JAK2: variants seen among roughly 807,000 people sequenced by gnomAD.
The protein encoded by JAK2 is tyrosine-protein kinase JAK2.
In JAK2, 86 loss-of-function variants were observed where a neutral mutation model predicts 139.3. The observed-to-expected ratio is 0.62, with a 90% CI of 0.52 to 0.74. The LOEUF (loss-of-function observed/expected upper bound fraction) is 0.74, where lower values mean the gene tolerates loss of function less well. JAK2 is among the 30% of genes least tolerant of loss of function. The pLI, the probability that JAK2 is intolerant of heterozygous loss-of-function variation, is 0.00. For missense variants in JAK2, 1,421 were observed against 1,360.3 expected, an observed-to-expected ratio of 1.04 and a Z score of -0.70; for synonymous variants, 490 against 437.7, an observed-to-expected ratio of 1.12 and a Z score of -1.49.
At chr9:5,074,600 ATCAATGAGCCATTCC>A (rs1342981517) in intron 14 of JAK2, among the ~76,000 whole-genome samples, 1 of 152,208 alleles carries the variant, frequency 6.6e-6, no homozygotes, top group African/African-American at 2.4e-5. Flanking sequence ...TGACTGCTCC[ATCAATGAGCCATTCC>A]TCTGTCTCTC....
intron 4 of JAK2, among the ~76,000 whole-genome samples, chr9:5,031,652 C>A (rs1395695990): frequency 2.6e-5 from 4 of 152,092 alleles, no homozygotes; most frequent in African/African-American, 9.7e-5. Flanking sequence ...GAATTCAAGT[C>A]CTTGGGAAAA....
chr9:5,100,808 T>C (rs1447036434), intron 22 of JAK2: 1 of 152,376 alleles, frequency 6.6e-6, no homozygotes, highest in East Asian at 1.9e-4. Flanking sequence ...TCTGATGGGA[T>C]CTATGGCTCA....
intron 4 of JAK2, among the ~76,000 whole-genome samples, chr9:5,036,301 C>G (rs1174321674): frequency 6.6e-6 from 1 of 152,196 alleles, no homozygotes; most frequent in African/African-American, 2.4e-5. Flanking sequence ...GCCATACTGC[C>G]CAAAGTCCTT....
At chr9:5,120,169 G>C (rs1391266362) in intron 22 of JAK2, among the ~76,000 whole-genome samples, 2 of 152,330 alleles carry the variant, frequency 1.3e-5, no homozygotes, top group East Asian at 3.9e-4. Context: ...CCTTCAGAGA[G>C]GAGGAACACC....
At chr9:5,067,857 T>G (rs1818673999) in intron 10 of JAK2, among the ~76,000 whole-genome samples, 1 of 151,924 alleles carries the variant, frequency 6.6e-6, no homozygotes, top group African/African-American at 2.4e-5. Context: ...AGGTTTACAA[T>G]TATTAAGAAA....
intron 14 of JAK2, among the ~76,000 whole-genome samples, chr9:5,073,997 C>A (rs143408376): frequency 2.0e-5 from 3 of 152,168 alleles, no homozygotes; most frequent in African/African-American, 7.2e-5. Flanking sequence ...GGTTACAATG[C>A]CCAAACAATA....
At chr9:5,041,792 C>G (rs1586688113) in intron 4 of JAK2, 1 of 486,624 alleles carries the variant, frequency 2.1e-6, no homozygotes, top group Non-Finnish European at 4.1e-6. Context: ...AGCTTCGGGA[C>G]AAAGATCAGC....
chr9:5,104,889 G>A (rs1821827058), intron 22 of JAK2, among the ~76,000 whole-genome samples: 1 of 152,128 alleles, frequency 6.6e-6, no homozygotes, highest in Non-Finnish European at 1.5e-5. Context: ...CAATAAACTA[G>A]GTATTGATGG....
intron 3 of JAK2, 65 bp from the exon 4 acceptor site, chr9:5,029,718 T>C (rs1242634970): frequency 4.4e-6 from 6 of 1,373,104 alleles, no homozygotes; most frequent in Non-Finnish European, 5.9e-6. Flanking sequence ...TTTCAAATTA[T>C]AGGTGCTATG....
At chr9:5,087,922 C>T (rs940154198) in intron 19 of JAK2, among the ~76,000 whole-genome samples, 2 of 151,992 alleles carry the variant, frequency 1.3e-5, no homozygotes, top group South Asian at 2.1e-4. Flanking sequence ...TTAGTGCATT[C>T]GTGTGACAAT....
intron 2 of JAK2, among the ~76,000 whole-genome samples, chr9:5,005,125 T>C (rs1297347381): frequency 1.2e-5 from 1 of 86,490 alleles, no homozygotes; most frequent in African/African-American, 4.9e-5. Context: ...TTTTTTTTTT[T>C]TTTTTTTAGG....
At chr9:5,020,461 A>G (rs969968455) in intron 2 of JAK2, among the ~76,000 whole-genome samples, 25 of 152,156 alleles carry the variant, frequency 1.6e-4, no homozygotes, top group African/African-American at 4.1e-4. Flanking sequence ...ATGATTTCCA[A>G]TTTCCTGGTG....
At chr9:5,044,714 A>G (rs1413031619) in intron 5 of JAK2, among the ~76,000 whole-genome samples, 194 bp downstream of exon 5, 2 of 145,184 alleles carry the variant, frequency 1.4e-5, no homozygotes, top group Admixed American at 6.6e-5. Flanking sequence ...AATAGAATCT[A>G]TTTTATAAAG....
At chr9:5,036,261 T>C (rs1006635675) in intron 4 of JAK2, among the ~76,000 whole-genome samples, 2 of 152,210 alleles carry the variant, frequency 1.3e-5, no homozygotes, top group African/African-American at 4.8e-5. Context: ...TCCATGCTCA[T>C]GGGTAGGAAG....
Position 5,024,450 on chromosome 9 carries a change from C to T in JAK2, c.226+2237C>T, listed in dbSNP as rs74622860. Reference sequence around the variant, plus strand: ...GCTCTCATTCAGTGTTTACCCAGTCCATTTACAACTCTGCCTTAGCCTTCC... The same window carrying T: ...GCTCTCATTCAGTGTTTACCCAGTCTATTTACAACTCTGCCTTAGCCTTCC... On this transcript the variant is annotated intron_variant, in intron 3 of 24. Coordinates refer to ENST00000381652, the MANE Select transcript of JAK2 (RefSeq NM_004972.4). Among the ~76,000 whole-genome samples, 416 of 152,134 alleles carry T rather than the reference C, an allele frequency of 2.7e-3. 1 individual carries two copies. Among genetic ancestry groups the T allele is most frequent in the Admixed American group, 4.8e-3 (74 of 15,278 alleles).
chr9:5,000,628 C>T (rs760031011), intron 2 of JAK2, among the ~76,000 whole-genome samples: 10 of 152,110 alleles, frequency 6.6e-5, no homozygotes, highest in Non-Finnish European at 1.2e-4. Flanking sequence ...TATGTTTCAT[C>T]ATGGCCAATT....
At position 5,054,932 on chromosome 9, in the gene JAK2, G is replaced by A. The variant is rs762841893; in HGVS notation, c.936+48G>A. The A allele has an allele frequency of 1.5e-6, 2 of 1,344,490 alleles. No individual in the cohort carries two copies. Among genetic ancestry groups the A allele is most frequent in the Non-Finnish European group, 2.0e-6 (2 of 981,406 alleles). 83.3% of individuals were successfully genotyped at this position (1,344,490 alleles called of 1,614,324 possible). On this transcript the variant is annotated intron_variant, in intron 7 of 24. Transcript: ENST00000381652. This position sits in a 1 kb window ranked among gnomAD's most constrained non-coding sequence, Gnocchi z 4.9. ...TGTTCTTTGTTATTTTAAGTACAAT[G>A]GAAATAAAAACAAAGTAATTTTAAT...
intron 22 of JAK2, chr9:5,099,818 T>C (rs1185962671): frequency 2.0e-5 from 3 of 152,252 alleles, no homozygotes; most frequent in African/African-American, 7.2e-5. Context: ...CTTGGGCTTC[T>C]ACCCCATTCA....
intron 2 of JAK2, among the ~76,000 whole-genome samples, chr9:4,999,863 T>C (rs748247913): frequency 1.3e-5 from 2 of 152,246 alleles, no homozygotes; most frequent in Non-Finnish European, 2.9e-5. Flanking sequence ...ATAGAATTAT[T>C]AGATATGCAT....
Sources: allele counts gnomAD v4.1 joint callset (sites outside exome capture counted in the v4.1 genomes callset), GRCh38; gene constraint gnomAD v4.1.1; non-coding constraint Gnocchi (gnomAD v3.1); transcripts MANE v1.5; gene names NCBI Gene and HGNC (gene_info 2026-07-23, HGNC 2026-07-21).